L3MBTL4: variants seen among roughly 807,000 people sequenced by gnomAD.
L3MBTL4 encodes the protein lethal(3)malignant brain tumor-like protein 4.
Under a neutral mutation model 84.5 loss-of-function variants are expected in L3MBTL4, and 70 were observed. That is an observed-to-expected ratio of 0.83 (90% confidence interval 0.68 to 1.01). The LOEUF (loss-of-function observed/expected upper bound fraction) is 1.01, where lower values mean the gene tolerates loss of function less well. L3MBTL4 is among the 50% of genes least tolerant of loss of function. L3MBTL4 has a pLI of 0.00. For synonymous variants in L3MBTL4, 274 were observed against 259.8 expected (o/e 1.05, Z -0.52); for missense variants, 715 against 754.8 (o/e 0.95, Z 0.62).
intron 13 of L3MBTL4, among the ~76,000 whole-genome samples, chr18:6,142,585 A>T (rs1038010307): frequency 6.6e-6 from 1 of 151,518 alleles, no homozygotes; most frequent in Non-Finnish European, 1.5e-5. Flanking sequence ...AGCTTTTTTT[A>T]AAAAAACAAC....
At chr18:6,402,999 T>C (rs1319297194) in intron 1 of L3MBTL4, among the ~76,000 whole-genome samples, 2 of 152,158 alleles carry the variant, frequency 1.3e-5, no homozygotes, top group East Asian at 3.8e-4. Flanking sequence ...GGGAAGTAGG[T>C]TACCCCCAGG....
intron 16 of L3MBTL4, among the ~76,000 whole-genome samples, chr18:6,064,570 T>C (rs1382103809): frequency 1.3e-5 from 2 of 150,532 alleles, no homozygotes; most frequent in African/African-American, 4.9e-5. Context: ...CAGAAGTCTT[T>C]CACCTCCTTG....
chr18:6,180,329 C>T (rs561414471), intron 12 of L3MBTL4, among the ~76,000 whole-genome samples: 1 of 151,892 alleles, frequency 6.6e-6, no homozygotes, highest in African/African-American at 2.4e-5. Flanking sequence ...GAAATATGCC[C>T]CCAATTTCCA....
chr18:6,202,202 G>A (rs2045677429), intron 12 of L3MBTL4, among the ~76,000 whole-genome samples: 1 of 152,178 alleles, frequency 6.6e-6, no homozygotes, highest in South Asian at 2.1e-4. Context: ...TGGCAGCACA[G>A]AGTCACCCTG....
chr18:5,993,947 A>G (rs2053823023), intron 16 of L3MBTL4, among the ~76,000 whole-genome samples: 1 of 152,248 alleles, frequency 6.6e-6, no homozygotes, highest in Non-Finnish European at 1.5e-5. Flanking sequence ...AGATGAAGGA[A>G]TGAATGAATA....
At chr18:6,167,662 T>C (rs1039319187) in intron 13 of L3MBTL4, among the ~76,000 whole-genome samples, 4 of 152,186 alleles carry the variant, frequency 2.6e-5, no homozygotes, top group African/African-American at 7.2e-5. Context: ...AAATTAGGTA[T>C]TGATGGGACA....
intron 5 of L3MBTL4, among the ~76,000 whole-genome samples, chr18:6,261,151 G>A (rs573641477): frequency 6.6e-6 from 1 of 152,262 alleles, no homozygotes; most frequent in African/African-American, 2.4e-5. Context: ...TCAGATTGTT[G>A]CTGTGTTATT....
chr18:6,239,391 CA>C (rs11361405), intron 9 of L3MBTL4, among the ~76,000 whole-genome samples: 135,999 of 138,864 alleles, frequency 0.98, 66,597 homozygotes, highest in South Asian at 0.99. Context: ...ATTTTTTAGA[CA>C]AAAAAAAAAA....
At chr18:6,038,814 G>T (rs191374432) in intron 16 of L3MBTL4, among the ~76,000 whole-genome samples, 1 of 152,140 alleles carries the variant, frequency 6.6e-6, no homozygotes, top group East Asian at 1.9e-4. Flanking sequence ...CATTAATTAG[G>T]TATTGTGGAT....
chr18:6,413,451 C>T (rs1207301210), intron 1 of L3MBTL4, among the ~76,000 whole-genome samples: 2 of 152,178 alleles, frequency 1.3e-5, no homozygotes, highest in African/African-American at 2.4e-5. Flanking sequence ...CTCTTTCAAC[C>T]GTTTCTCCTA....
At chr18:6,231,245 G>T (rs1467854307) in intron 10 of L3MBTL4, among the ~76,000 whole-genome samples, 1 of 152,010 alleles carries the variant, frequency 6.6e-6, no homozygotes. Context: ...ATCTTGAGTT[G>T]ATTTTTGTAC....
intron 13 of L3MBTL4, among the ~76,000 whole-genome samples, chr18:6,165,227 G>A (rs1388433887): frequency 6.6e-6 from 1 of 152,134 alleles, no homozygotes; most frequent in Non-Finnish European, 1.5e-5. Context: ...AAAGTGACGG[G>A]GAGAATGGAA....
intron 16 of L3MBTL4, among the ~76,000 whole-genome samples, chr18:5,984,572 T>C (rs114065441): frequency 0.013 from 1,959 of 152,370 alleles, 43 homozygotes; most frequent in African/African-American, 0.045. Flanking sequence ...GAATATTTTT[T>C]TGGGGGGGAA....
At chr18:6,118,208 A>ACACACACACACACAC (rs2059415716) in intron 14 of L3MBTL4, among the ~76,000 whole-genome samples, 16 of 141,856 alleles carry the variant, frequency 1.1e-4, no homozygotes, top group South Asian at 7.1e-4. Flanking sequence ...AACACACACA[A>ACACACACACACACAC]ACACACACAC....
At chr18:6,289,037 T>C (rs2049723268) in intron 4 of L3MBTL4, among the ~76,000 whole-genome samples, 1 of 151,948 alleles carries the variant, frequency 6.6e-6, no homozygotes, top group South Asian at 2.1e-4. Context: ...AAAAAATTTG[T>C]ATGAGAAAGA....
intron 13 of L3MBTL4, among the ~76,000 whole-genome samples, chr18:6,170,589 T>G: frequency 6.6e-6 from 1 of 151,976 alleles, no homozygotes; most frequent in South Asian, 2.1e-4. Context: ...AAAAGCCAGG[T>G]GGGTAGAGTG....
chr18:6,057,791 C>T (rs529678512), intron 16 of L3MBTL4, among the ~76,000 whole-genome samples: 23 of 152,186 alleles, frequency 1.5e-4, no homozygotes, highest in Non-Finnish European at 3.1e-4. Flanking sequence ...ACGGTGTACC[C>T]CCACAAGGCA....
At chr18:6,380,397 A>T (rs2054549306) in intron 1 of L3MBTL4, among the ~76,000 whole-genome samples, 1 of 151,898 alleles carries the variant, frequency 6.6e-6, no homozygotes, top group South Asian at 2.1e-4. Flanking sequence ...TAGTTCTTTT[A>T]ATTTTGATGT....
In L3MBTL4 at chr18:6,147,787, T is replaced by C. The variant is rs117551620; in HGVS notation, c.1097-9491A>G. On this transcript the variant is annotated intron_variant, in intron 13 of 18. Coordinates refer to ENST00000317931, the MANE Select transcript of L3MBTL4 (RefSeq NM_001330559.2). ...GAGCAGTTAAGGCAAAAATATCATG[T>C]GGTACTGGCCTTTGCTTATTATTTT... Among the ~76,000 whole-genome samples, 635 of 152,360 alleles carry C rather than the reference T, an allele frequency of 4.2e-3. 3 individuals carry two copies. The highest frequency in any genetic ancestry group is 6.7e-3 in the Non-Finnish European group (457 of 68,022).
Sources: gnomAD v4.1 joint callset for allele counts (sites outside exome capture counted in the v4.1 genomes callset) on GRCh38, gnomAD v4.1.1 for gene constraint, MANE v1.5 for transcripts, NCBI Gene and HGNC (gene_info 2026-07-23, HGNC 2026-07-21) for gene names.